Variants in CD53 observed in about 807,000 individuals in gnomAD.
CD53 encodes leukocyte surface antigen CD53.
Under a neutral mutation model 27.3 loss-of-function variants are expected in CD53, and 20 were observed. The observed-to-expected ratio is 0.73, with a 90% CI of 0.52 to 1.07. The LOEUF is 1.07. Ranked by LOEUF, CD53 falls within the 50% of genes least tolerant of loss-of-function variation. The pLI is 0.00. For synonymous variants in CD53, 106 were observed against 105.3 expected (o/e 1.01, Z -0.04); for missense variants, 216 against 264.0 (o/e 0.82, Z 1.26).
intron 1 of CD53, among the ~76,000 whole-genome samples, chr1:110,885,789 G>T (rs1051459014): frequency 3.3e-5 from 5 of 151,280 alleles, no homozygotes; most frequent in African/African-American, 4.9e-5. Context: ...TCTTGAACCT[G>T]AGAGGCGGAG....
intron 1 of CD53, among the ~76,000 whole-genome samples, chr1:110,878,563 A>T (rs999556479): frequency 2.0e-5 from 3 of 151,666 alleles, no homozygotes; most frequent in Non-Finnish European, 2.9e-5. Flanking sequence ...TAAATGTAGA[A>T]TTTTTTTTTA....
intron 3 of CD53, chr1:110,892,885 T>C (rs1206014342): frequency 5.0e-6 from 1 of 198,640 alleles, no homozygotes; most frequent in Non-Finnish European, 1.0e-5. Context: ...GCTATTATTA[T>C]GTACTTTCAG....
At chr1:110,877,117 C>T (rs185009413) in intron 1 of CD53, among the ~76,000 whole-genome samples, 2 of 152,166 alleles carry the variant, frequency 1.3e-5, no homozygotes, top group South Asian at 2.1e-4. Flanking sequence ...TTTCTAGTCA[C>T]GCATTGCCTT....
intron 2 of CD53, 121 bp from the exon 3 acceptor site, chr1:110,892,224 A>G (rs1271148931): frequency 6.3e-6 from 5 of 788,966 alleles, no homozygotes; most frequent in South Asian, 4.4e-5. Flanking sequence ...GAAATTGTTC[A>G]TGAGACTCTT....
chr1:110,885,126 G>A (rs918086780), intron 1 of CD53, among the ~76,000 whole-genome samples: 5 of 152,018 alleles, frequency 3.3e-5, no homozygotes, highest in Non-Finnish European at 7.4e-5. Context: ...CATATAAGAA[G>A]CTCACAGTAG....
chr1:110,894,507 A>C (rs1343817), intron 4 of CD53, 106 bp downstream of exon 4: 425,572 of 862,610 alleles, frequency 0.49, 108,780 homozygotes, highest in Admixed American at 0.63. Flanking sequence ...TAGAGATAGA[A>C]ATGAAGTGGA....
At chr1:110,884,512 CT>C (rs908310785) in intron 1 of CD53, among the ~76,000 whole-genome samples, 6 of 152,082 alleles carry the variant, frequency 3.9e-5, no homozygotes, top group African/African-American at 1.4e-4. Flanking sequence ...CAAATATTTA[CT>C]GCTTTTCTGT....
intron 1 of CD53, among the ~76,000 whole-genome samples, chr1:110,881,776 G>GT (rs1656362071): frequency 6.6e-6 from 1 of 152,168 alleles, no homozygotes; most frequent in African/African-American, 2.4e-5. Flanking sequence ...ACTTGGTGTG[G>GT]TCAGGTTTTG....
At position 110,894,380 on chromosome 1, in the gene CD53, G is replaced by T; in HGVS notation, c.306G>T (p.Leu102=). Residue 102 remains leucine (L), a synonymous_variant, in exon 4 of 8, where the codon CTG becomes CTT. Coordinates refer to ENST00000271324, the MANE Select transcript of CD53 (RefSeq NM_000560.4). The stretch of plus-strand genomic sequence containing the variant: ...TTGCTGAGGTGACCTTGGCCATCCT[G>T]CTCTTTGTATATGAACAGAAGGTAA... The part of the protein sequence containing the change: ...ILLAEVTLAI[L]LFVYEQKLNE... 1 of 1,613,846 alleles carries T rather than the reference G, an allele frequency of 6.2e-7. No individual in the cohort carries two copies. The highest frequency in any genetic ancestry group is 8.5e-7 in the Non-Finnish European group (1 of 1,179,732).
At chr1:110,885,403 T>C (rs1434884438) in intron 1 of CD53, among the ~76,000 whole-genome samples, 1 of 152,078 alleles carries the variant, frequency 6.6e-6, no homozygotes, top group Non-Finnish European at 1.5e-5. Context: ...CTGGACGTGG[T>C]GGCAGGCGCC....
intron 3 of CD53, 52 bp from the exon 4 acceptor site, chr1:110,894,275 G>T: frequency 6.6e-7 from 1 of 1,515,254 alleles, no homozygotes; most frequent in Non-Finnish European, 9.2e-7. Flanking sequence ...CTGAGTGGGA[G>T]TGGGACGAGA....
chr1:110,898,065 A>AC (rs1657140698), intron 7 of CD53, among the ~76,000 whole-genome samples, 173 bp downstream of exon 7: 1 of 152,206 alleles, frequency 6.6e-6, no homozygotes, highest in Non-Finnish European at 1.5e-5. Flanking sequence ...GCTTTAAGGT[A>AC]TATAGAAAAT....
At chr1:110,873,002 A>G (rs1267234384), upstream of CD53, among the ~76,000 whole-genome samples, 1 of 152,162 alleles carries the variant, frequency 6.6e-6, no homozygotes, top group African/African-American at 2.4e-5. Flanking sequence ...GGGCTGTGAG[A>G]GGAAGCTTCT....
At chr1:110,874,824 T>G (rs931547) in intron 1 of CD53, among the ~76,000 whole-genome samples, 34,601 of 152,174 alleles carry the variant, frequency 0.23, 4,641 homozygotes, top group Middle Eastern at 0.39. Flanking sequence ...TGGTCCTTGG[T>G]TTTTTGTGCC....
intron 1 of CD53, among the ~76,000 whole-genome samples, chr1:110,885,462 G>A (rs12117993): frequency 0.43 from 65,652 of 151,772 alleles, 15,746 homozygotes; most frequent in Admixed American, 0.56. Context: ...GGCGTGAACC[G>A]GGGAGGCGGA....
At chr1:110,876,528 TA>T (rs1251049921) in intron 1 of CD53, among the ~76,000 whole-genome samples, 5 of 152,288 alleles carry the variant, frequency 3.3e-5, no homozygotes, top group Middle Eastern at 3.4e-3. Flanking sequence ...GATTGAGGAA[TA>T]GGGGTAAGAA....
intron 1 of CD53, among the ~76,000 whole-genome samples, chr1:110,888,174 G>A (rs181388435): frequency 8.5e-4 from 130 of 152,304 alleles, no homozygotes; most frequent in Non-Finnish European, 1.6e-3. Context: ...CAACCTGAAT[G>A]TATACTTCTG....
At chr1:110,876,389 C>A (rs973016472) in intron 1 of CD53, among the ~76,000 whole-genome samples, 1 of 152,108 alleles carries the variant, frequency 6.6e-6, no homozygotes, top group Non-Finnish European at 1.5e-5. Flanking sequence ...TTAACATAAG[C>A]AAACATAAAA....
intron 1 of CD53, among the ~76,000 whole-genome samples, chr1:110,890,042 C>T (rs1256602526): frequency 6.6e-6 from 1 of 152,144 alleles, no homozygotes; most frequent in African/African-American, 2.4e-5. Context: ...AGAAGTAGCT[C>T]ATCAGGCTTA....
Sources: gnomAD v4.1 joint callset for allele counts (sites outside exome capture counted in the v4.1 genomes callset) on GRCh38, gnomAD v4.1.1 for gene constraint, MANE v1.5 for transcripts, NCBI Gene and HGNC (gene_info 2026-07-23, HGNC 2026-07-21) for gene names.